Variants in C12orf42 observed in about 807,000 individuals in gnomAD.
C12orf42 encodes the protein uncharacterized protein C12orf42.
In C12orf42, 25 loss-of-function variants were observed where a neutral mutation model predicts 21.6. The ratio of observed to expected loss-of-function variants is 1.16; its 90% confidence interval spans 0.84 to 1.62. The LOEUF is 1.62. Ranked by LOEUF, C12orf42 falls within the 40% of genes most tolerant of loss-of-function variation. The probability of loss-of-function intolerance (pLI) is 0.00; values close to 1 mark genes in which losing one functional copy is unlikely to be tolerated. For missense variants in C12orf42, 483 were observed against 459.3 expected (o/e 1.05, Z -0.47); for synonymous variants, 174 against 175.0 (o/e 0.99, Z 0.05).
chr12:103,383,673 G>A (rs1382345413), intron 3 of C12orf42, among the ~76,000 whole-genome samples: 1 of 152,210 alleles, frequency 6.6e-6, no homozygotes, highest in Non-Finnish European at 1.5e-5. Flanking sequence ...ATAACTGGGA[G>A]TATGGCAATA....
the C12orf42 span, among the ~76,000 whole-genome samples, chr12:103,553,803 G>A: frequency 3.3e-5 from 5 of 152,258 alleles, no homozygotes; most frequent in Middle Eastern, 0.014. Flanking sequence ...CATTTTACCA[G>A]AGGAGACAGA....
Position 103,368,875 on chromosome 12 carries a change from G to A in C12orf42, c.259+12C>T, listed in dbSNP as rs1413548332. Reference sequence around the variant, plus strand: ...AAACTCTGGTCTGTCTTGGGATTATGTCTTAATTTACCTGGAAAATTCAGA... The same window carrying A: ...AAACTCTGGTCTGTCTTGGGATTATATCTTAATTTACCTGGAAAATTCAGA... On this transcript the variant is annotated intron_variant, in intron 4 of 5. Transcript: ENST00000548883. 4.3e-6 allele frequency: 6 copies of A among 1,407,748 alleles called. No homozygotes were observed. The highest frequency in any genetic ancestry group is 5.9e-6 in the Non-Finnish European group (6 of 1,008,990). The allele number at this position is 1,407,748 out of a possible 1,614,324, so 87.2% of individuals were successfully genotyped here.
chr12:103,508,316 A>G, the C12orf42 span, among the ~76,000 whole-genome samples: 1 of 152,164 alleles, frequency 6.6e-6, no homozygotes, highest in South Asian at 2.1e-4. Flanking sequence ...TGGAAGGATT[A>G]TTTTCCTGCC....
At chr12:103,424,466 G>A (rs1331791872) in intron 2 of C12orf42, among the ~76,000 whole-genome samples, 1 of 152,214 alleles carries the variant, frequency 6.6e-6, no homozygotes, top group Non-Finnish European at 1.5e-5. Flanking sequence ...ATTTCCAACT[G>A]AGGTACTTGG....
chr12:103,489,271 C>T (rs929099873), intron 1 of C12orf42, among the ~76,000 whole-genome samples: 3 of 152,194 alleles, frequency 2.0e-5, no homozygotes, highest in Non-Finnish European at 4.4e-5. Flanking sequence ...TGGGTATCAC[C>T]AGCAGAGGCT....
chr12:103,550,627 G>C, the C12orf42 span: 2 of 151,982 alleles, frequency 1.3e-5, no homozygotes, highest in African/African-American at 2.4e-5. Flanking sequence ...TTACATCTTT[G>C]CTAAAATCAT....
At chr12:103,141,684 C>T in the C12orf42 span, among the ~76,000 whole-genome samples, 1 of 152,044 alleles carries the variant, frequency 6.6e-6, no homozygotes, top group Non-Finnish European at 1.5e-5. Flanking sequence ...CGTCCACCAC[C>T]ACACCCAGCT....
intron 4 of C12orf42, among the ~76,000 whole-genome samples, chr12:103,307,973 A>G (rs1053333004): frequency 3.9e-5 from 6 of 152,226 alleles, no homozygotes; most frequent in African/African-American, 1.4e-4. Context: ...AAGTTAAGAT[A>G]TTCTTCACAG....
At chr12:103,530,870 G>A in the C12orf42 span, among the ~76,000 whole-genome samples, 8 of 152,118 alleles carry the variant, frequency 5.3e-5, no homozygotes, top group Admixed American at 1.3e-4. Flanking sequence ...ATCTATTCCC[G>A]CCACAGCTCT....
intron 4 of C12orf42, among the ~76,000 whole-genome samples, chr12:103,358,576 G>T (rs1433906860): frequency 6.6e-6 from 1 of 150,614 alleles, no homozygotes. Context: ...CCAGTAAATG[G>T]CAGTACCATC....
downstream of C12orf42, among the ~76,000 whole-genome samples, chr12:103,264,040 TGTC>T (rs1255316626): frequency 6.6e-6 from 1 of 152,132 alleles, no homozygotes; most frequent in Non-Finnish European, 1.5e-5. Flanking sequence ...TACAAAATAT[TGTC>T]CTCCTCCTCT....
At chr12:103,089,842 T>C in the C12orf42 span, among the ~76,000 whole-genome samples, 6 of 152,134 alleles carry the variant, frequency 3.9e-5, no homozygotes, top group Admixed American at 6.5e-5. Flanking sequence ...ATAAAATATA[T>C]TAAAAAACAA....
the C12orf42 span, among the ~76,000 whole-genome samples, chr12:103,194,277 A>G: frequency 4.6e-5 from 7 of 152,078 alleles, no homozygotes; most frequent in Non-Finnish European, 7.4e-5. Flanking sequence ...AAAGATGCCC[A>G]CTCTTGCACT....
intron 4 of C12orf42, among the ~76,000 whole-genome samples, chr12:103,308,171 A>G (rs1566050592): frequency 2.0e-5 from 3 of 152,250 alleles, no homozygotes; most frequent in African/African-American, 7.2e-5. Flanking sequence ...GATAATGCAC[A>G]TAAAGTACTT....
chr12:103,239,840 A>T (rs1335925157), intron 10 of C12orf42, among the ~76,000 whole-genome samples: 1 of 152,170 alleles, frequency 6.6e-6, no homozygotes, highest in African/African-American at 2.4e-5. Context: ...CTTTATTATC[A>T]GAAGGGAGGA....
the C12orf42 span, among the ~76,000 whole-genome samples, chr12:103,526,297 G>A: frequency 6.6e-6 from 1 of 152,280 alleles, no homozygotes; most frequent in South Asian, 2.1e-4. Flanking sequence ...AAGCTACTCT[G>A]GTTGTCAGAA....
At chr12:103,083,004 T>C in the C12orf42 span, among the ~76,000 whole-genome samples, 1 of 152,136 alleles carries the variant, frequency 6.6e-6, no homozygotes, top group South Asian at 2.1e-4. Flanking sequence ...TCAGGAGGCA[T>C]GCCAACCAAG....
chr12:103,170,559 C>T, the C12orf42 span, among the ~76,000 whole-genome samples: 1 of 149,496 alleles, frequency 6.7e-6, no homozygotes, highest in African/African-American at 2.5e-5. Context: ...ACTCTGTTCT[C>T]TATATAGTAG....
At chr12:103,114,264 G>GT in the C12orf42 span, among the ~76,000 whole-genome samples, 2,620 of 152,316 alleles carry the variant, frequency 0.017, 39 homozygotes, top group African/African-American at 0.043. Context: ...AGAAAGATCA[G>GT]TTTAGACGGT....
Sources: allele counts gnomAD v4.1 joint callset (sites outside exome capture counted in the v4.1 genomes callset), GRCh38; gene constraint gnomAD v4.1.1; transcripts MANE v1.5; gene names NCBI Gene and HGNC (gene_info 2026-07-23, HGNC 2026-07-21).